The following GABRA1 variants were observed in gnomAD, a reference collection of about 807,000 sequenced individuals.
GABRA1 encodes the protein gamma-aminobutyric acid type A receptor subunit alpha1, also known as gamma-aminobutyric acid receptor subunit alpha-1.
In GABRA1, 9 loss-of-function variants were observed where a neutral mutation model predicts 48.9. The observed-to-expected ratio is 0.18, with a 90% CI of 0.11 to 0.32. GABRA1 has a LOEUF of 0.32. Ranked by LOEUF, GABRA1 falls within the 10% of genes least tolerant of loss-of-function variation. The pLI, the probability that GABRA1 is intolerant of heterozygous loss-of-function variation, is 1.00. For synonymous variants in GABRA1, 210 were observed against 198.7 expected (o/e 1.06, Z -0.48); for missense variants, 285 against 553.8 (o/e 0.51, Z 4.87).
chr5:161,848,897 G>C lies in GABRA1; in HGVS notation c.-16+475G>C, dbSNP rs1422252599. 2.7e-5 allele frequency: 12 copies of C among 445,696 alleles called. No homozygotes were observed. In the Admixed American group the frequency reaches 2.9e-4, roughly 11 times the overall value. 27.6% of individuals were successfully genotyped at this position (445,696 alleles called of 1,614,324 possible). A position where few individuals can be genotyped will look rare whatever the true frequency, so the allele number is the denominator to read the frequency against. On this transcript the variant is annotated intron_variant, in intron 1 of 9. Coordinates refer to ENST00000393943, the MANE Select transcript of GABRA1 (RefSeq NM_001127644.2). ...TCACTGTTCCATCATCCTAGGGAAG[G>C]CACGCTCTTGTCCTGGCTGCAAAAT...
At chr5:161,854,332 T>C (rs1757562632) in intron 3 of GABRA1, 62 bp downstream of exon 3, 1 of 850,426 alleles carries the variant, frequency 1.2e-6, no homozygotes, top group Non-Finnish European at 2.1e-6. Flanking sequence ...TATCACAGCC[T>C]TAATTTACCT....
intron 9 of GABRA1, among the ~76,000 whole-genome samples, chr5:161,896,101 A>G (rs1388037643): frequency 6.6e-6 from 1 of 152,188 alleles, no homozygotes; most frequent in Non-Finnish European, 1.5e-5. Context: ...AGGAAGGCAA[A>G]CATTTCTAGT....
At position 161,875,603 on chromosome 5, in the gene GABRA1, C is replaced by G; in HGVS notation, c.520C>G (p.Pro174Ala). 1 of 1,613,500 alleles carries G rather than the reference C, an allele frequency of 6.2e-7. No homozygotes were observed. The highest frequency in any genetic ancestry group is 8.5e-7 in the Non-Finnish European group (1 of 1,179,622). Residue 174 changes from proline to alanine, a missense_variant, in exon 6 of 10, where the codon CCT becomes GCT. This residue lies in a region of GABRA1 where 105 missense variants were observed against 267.4 expected (regional missense o/e 0.39). Coordinates refer to ENST00000393943, the MANE Select transcript of GABRA1 (RefSeq NM_001127644.2). The part of the protein sequence containing the change: ...AECPMHLEDF[P>A]MDAHACPLKF... ...ATGTCCGATGCATTTGGAGGACTTC[C>G]CTATGGATGCCCATGCTTGCCCACT...
chr5:161,862,391 C>T (rs1757897336), intron 3 of GABRA1, among the ~76,000 whole-genome samples: 1 of 151,758 alleles, frequency 6.6e-6, no homozygotes, highest in Non-Finnish European at 1.5e-5. Context: ...CCTTTGCCTC[C>T]TTCTTTTTTT....
At chr5:161,887,353 C>G (rs1047313276) in intron 7 of GABRA1, among the ~76,000 whole-genome samples, 2 of 151,988 alleles carry the variant, frequency 1.3e-5, no homozygotes, top group Non-Finnish European at 2.9e-5. Flanking sequence ...TGGTGATCAT[C>G]ATTCATCCAA....
chr5:161,850,081 TTGTGTGTGTG>T (rs61241552), intron 1 of GABRA1: 1 of 147,910 alleles, frequency 6.8e-6, no homozygotes, highest in Non-Finnish European at 1.5e-5. Context: ...TTGTGTGCAT[TTGTGTGTGTG>T]TGTGTGTGTG....
chr5:161,888,931 T>C (rs1196930326), intron 7 of GABRA1, among the ~76,000 whole-genome samples: 1 of 152,074 alleles, frequency 6.6e-6, no homozygotes, highest in Non-Finnish European at 1.5e-5. Context: ...TATGAAGGTA[T>C]TAAATACTGA....
At chr5:161,879,660 C>T (rs1201281460) in intron 6 of GABRA1, among the ~76,000 whole-genome samples, 1 of 152,090 alleles carries the variant, frequency 6.6e-6, no homozygotes, top group African/African-American at 2.4e-5. Context: ...TACTAACTTG[C>T]ATCAGGTGAA....
Position 161,850,737 on chromosome 5 carries a change from T to C in GABRA1, c.-15-59T>C. 5 of 1,403,050 alleles carry C rather than the reference T, an allele frequency of 3.6e-6. No individual in the cohort carries two copies. In the South Asian group the frequency reaches 4.6e-5, roughly 13 times the overall value. The allele number at this position is 1,403,050 out of a possible 1,614,324, so 86.9% of individuals were successfully genotyped here. On this transcript the variant is annotated intron_variant, in intron 1 of 9. Transcript: ENST00000393943. ...TCTAAACTGCCTCAGTCAGCCCTGG[T>C]GGTTATAACCTGATGTTTCTTGCTA...
intron 3 of GABRA1, among the ~76,000 whole-genome samples, chr5:161,860,791 A>G (rs1757825815): frequency 6.6e-6 from 1 of 151,816 alleles, no homozygotes; most frequent in Non-Finnish European, 1.5e-5. Flanking sequence ...AAAATTAGAA[A>G]TGAAACATTT....
chr5:161,896,587 A>T (rs1755378983), intron 9 of GABRA1, among the ~76,000 whole-genome samples: 1 of 152,226 alleles, frequency 6.6e-6, no homozygotes, highest in Non-Finnish European at 1.5e-5. Context: ...GGATGCTGTG[A>T]TGAAGAGCAA....
chr5:161,893,836 A>G (rs1037049240), intron 8 of GABRA1, among the ~76,000 whole-genome samples: 1 of 152,184 alleles, frequency 6.6e-6, no homozygotes, highest in Non-Finnish European at 1.5e-5. Context: ...AAAAATATAC[A>G]TTGTCAGGTT....
At chr5:161,891,314 C>A (rs1561584954) in intron 8 of GABRA1, among the ~76,000 whole-genome samples, 4 of 151,934 alleles carry the variant, frequency 2.6e-5, no homozygotes, top group East Asian at 1.9e-4. Flanking sequence ...GTGAAGCAGG[C>A]ATAAAATGCA....
intron 6 of GABRA1, among the ~76,000 whole-genome samples, chr5:161,876,439 C>T (rs1754357770): frequency 6.6e-6 from 1 of 152,062 alleles, no homozygotes; most frequent in African/African-American, 2.4e-5. Context: ...GAGTCAACTC[C>T]TGGACTACCT....
chr5:161,850,906 T>C, intron 2 of GABRA1, 22 bp downstream of exon 2: 1 of 1,597,276 alleles, frequency 6.3e-7, no homozygotes, highest in African/African-American at 1.3e-5. Context: ...TTTTTAAAAA[T>C]CTGCATGAAA....
chr5:161,895,876 C>G lies in GABRA1; in HGVS notation c.1059+8C>G. 6.2e-7 allele frequency: 1 copy of G among 1,606,716 alleles called. No individual in the cohort carries two copies. Among genetic ancestry groups the G allele is most frequent in the Non-Finnish European group, 8.5e-7 (1 of 1,173,346 alleles). ...AGTGTGGTTCCAGAAAAGGTAAATG[C>G]TTTAATGGTCACTGTAGTACATCAA... is the stretch of plus-strand genomic sequence containing the variant. On this transcript the variant is annotated splice_region_variant and intron_variant, in intron 9 of 9. Coordinates refer to ENST00000393943, the MANE Select transcript of GABRA1 (RefSeq NM_001127644.2).
At chr5:161,894,000 G>T (rs6867604) in intron 8 of GABRA1, among the ~76,000 whole-genome samples, 1 of 151,876 alleles carries the variant, frequency 6.6e-6, no homozygotes, top group Non-Finnish European at 1.5e-5. Context: ...AAAAATACCC[G>T]TTACCACATT....
rs1219475284 is a variant in GABRA1 at position 161,873,245 on chromosome 5, C to T, written c.384C>T (p.Phe128=). 1.9e-5 allele frequency: 30 copies of T among 1,613,912 alleles called. No individual in the cohort carries two copies. Among genetic ancestry groups the T allele is most frequent in the Non-Finnish European group, 2.4e-5 (28 of 1,179,858 alleles). Residue 128 remains phenylalanine (F), a synonymous_variant, in exon 5 of 10, where the codon TTC becomes TTT. Transcript: ENST00000393943. Reference sequence around the variant, plus strand: ...AAATCTGGACTCCGGACACATTTTTCCACAATGGAAAGAAGTCAGTGGCCC... The same window carrying T: ...AAATCTGGACTCCGGACACATTTTTTCACAATGGAAAGAAGTCAGTGGCCC... ...ASKIWTPDTF[F]HNGKKSVAHN... is the part of the protein sequence containing the mutation.
intron 7 of GABRA1, among the ~76,000 whole-genome samples, chr5:161,885,971 T>C (rs896408143): frequency 6.6e-6 from 1 of 152,164 alleles, no homozygotes; most frequent in Non-Finnish European, 1.5e-5. Context: ...AAGTTCTTAG[T>C]TGAGTGAGAT....
Sources: gnomAD v4.1 joint callset for allele counts (sites outside exome capture counted in the v4.1 genomes callset) on GRCh38, gnomAD v4.1.1 for gene constraint, gnomAD v4.1.1 regional missense constraint, MANE v1.5 for transcripts, NCBI Gene and HGNC (gene_info 2026-07-23, HGNC 2026-07-21) for gene names.